Variants in PKN3 observed in about 807,000 individuals in gnomAD.
PKN3 encodes the protein serine/threonine-protein kinase N3.
A neutral mutation model predicts 113.1 loss-of-function variants in PKN3; 91 were observed. That is an observed-to-expected ratio of 0.80 (90% CI 0.68 to 0.96). PKN3 has a LOEUF of 0.96. PKN3 is among the 40% of genes least tolerant of loss of function. PKN3 has a pLI of 0.00. For missense variants in PKN3, 1,052 were observed against 1,202.2 expected (o/e 0.88, Z 1.85); for synonymous variants, 467 against 499.0 (o/e 0.94, Z 0.85).
Position 128,710,224 on chromosome 9 carries a change from G to A in PKN3, c.835+2819G>A, listed in dbSNP as rs146888846. Among the ~76,000 whole-genome samples the A allele has an allele frequency of 3.0e-3, 454 of 151,810 alleles. 2 individuals carry two copies. The highest frequency in any genetic ancestry group is 0.01 in the African/African-American group (423 of 41,416). On this transcript the variant is annotated intron_variant, in intron 6 of 21. Transcript: ENST00000291906. Reference sequence around the variant, plus strand: ...GGGACAGGTGTGAGCCACCGCGCCCGGCCAAAAAAGTTAATTTTCTTATCT... The same window carrying A: ...GGGACAGGTGTGAGCCACCGCGCCCAGCCAAAAAAGTTAATTTTCTTATCT...
At chr9:128,705,092 G>A (rs1003022264) in intron 1 of PKN3, among the ~76,000 whole-genome samples, 3 of 152,146 alleles carry the variant, frequency 2.0e-5, no homozygotes, top group East Asian at 1.9e-4. Flanking sequence ...TCTAACGGGC[G>A]GAGGACAGGA....
chr9:128,704,289 CT>C (rs1415392506), intron 1 of PKN3, among the ~76,000 whole-genome samples: 2 of 152,202 alleles, frequency 1.3e-5, no homozygotes, highest in African/African-American at 4.8e-5. Flanking sequence ...GAGCCTTCTA[CT>C]TCCTCCCGGG....
At position 128,719,757 on chromosome 9, in the gene PKN3, C is replaced by T; in HGVS notation, c.2197C>T (p.Gln733Ter). ...GTTCCTGGCTCCCGAGGTGCTGACC[C>T]AGGAGGCATACACACGGGCTGTGGA... is the stretch of plus-strand genomic sequence containing the variant. ...PEFLAPEVLT[Q>*]EAYTRAVDWW... The change falls in exon 19 of 22, where the codon CAG (glutamine) becomes TAG (stop). Residue 733 changes from glutamine to a stop codon, truncating the protein, a stop_gained. Coordinates refer to ENST00000291906, the MANE Select transcript of PKN3 (RefSeq NM_013355.5). LOFTEE classifies it high-confidence loss of function. 1 of 1,605,454 alleles carries T rather than the reference C, an allele frequency of 6.2e-7. No homozygotes were observed.
At chr9:128,703,398 A>G in intron 1 of PKN3, 4 of 985,340 alleles carry the variant, frequency 4.1e-6, no homozygotes, top group Non-Finnish European at 4.8e-6. Flanking sequence ...TCCTTCCCGG[A>G]GCACAGGAGG....
intron 6 of PKN3, among the ~76,000 whole-genome samples, chr9:128,708,226 C>CA (rs1293028989): frequency 5.3e-5 from 8 of 151,678 alleles, no homozygotes. Flanking sequence ...ACTAAAAATA[C>CA]AAAAAAGTAG....
chr9:128,702,986 CCT>C (rs1161302649), intron 1 of PKN3, 47 bp downstream of exon 1: 1 of 1,280,742 alleles, frequency 7.8e-7, no homozygotes, highest in Admixed American at 3.7e-5. Context: ...TGCGAGAAAG[CCT>C]CTGTCATCGC....
chr9:128,707,056 T>C (rs1299354303), intron 5 of PKN3, 33 bp downstream of exon 5: 1 of 1,613,554 alleles, frequency 6.2e-7, no homozygotes, highest in Admixed American at 1.7e-5. Flanking sequence ...CTCCTAAGGC[T>C]GGCTTGTTCC....
rs536350109 is a variant in PKN3, at chr9:128,720,190, T to A, written c.2377-13T>A. The A allele has an allele frequency of 3.7e-6, 6 of 1,612,562 alleles. No individual in the cohort carries two copies. Among genetic ancestry groups the A allele is most frequent in the African/African-American group, 2.7e-5 (2 of 75,036 alleles). On this transcript the variant is annotated splice_polypyrimidine_tract_variant and intron_variant, in intron 20 of 21. Transcript: ENST00000291906. The surrounding 1 kb of genome is among the most constrained non-coding windows in gnomAD (Gnocchi z 5.5). ...GCTGAATGCCCTAAGTGAGCGCCTG[T>A]CCTATTGCCCAGCTCCTCCAGAAGT... is the stretch of plus-strand genomic sequence containing the variant.
intron 1 of PKN3, chr9:128,703,778 C>A: frequency 1.0e-6 from 1 of 985,450 alleles, no homozygotes; most frequent in Non-Finnish European, 1.2e-6. Context: ...AGGCCGCCTT[C>A]AGGGCTGGGG....
intron 8 of PKN3, 23 bp downstream of exon 8, chr9:128,713,410 C>A: frequency 6.2e-7 from 1 of 1,612,748 alleles, no homozygotes; most frequent in Non-Finnish European, 8.5e-7. Context: ...TTTGTGTGGT[C>A]AGGGGTGACC....
intron 6 of PKN3, among the ~76,000 whole-genome samples, chr9:128,709,521 G>A (rs1862118625): frequency 6.6e-6 from 1 of 151,750 alleles, no homozygotes; most frequent in South Asian, 2.1e-4. Flanking sequence ...GGAGGCCGAG[G>A]TGGGTGGATC....
In PKN3 at chr9:128,707,323, CAG is replaced by C; in HGVS notation, c.756_757del (p.Arg252SerfsTer37). On this transcript the variant is annotated frameshift_variant, in exon 6 of 22. Transcript: ENST00000291906. LOFTEE classifies it high-confidence loss of function. ...QLPPAHPLRS[R>X]VTRELRAAVP... ...TGCCTCCTGCCCACCCTTTGCGCAGCAGAGTGACCCGAGAGTTGCGGGCTGCG... is the reference window on the plus strand; with the variant it reads ...TGCCTCCTGCCCACCCTTTGCGCAGCAGTGACCCGAGAGTTGCGGGCTGCG... 2 of 1,614,006 alleles carry C rather than the reference CAG, an allele frequency of 1.2e-6. No homozygotes were observed. Among genetic ancestry groups the C allele is most frequent in the Non-Finnish European group, 1.7e-6 (2 of 1,179,988 alleles).
chr9:128,702,809 G>C lies in PKN3; in HGVS notation c.-107G>C. On this transcript the variant is annotated 5_prime_UTR_variant, in exon 1 of 22. Transcript: ENST00000291906. ...AGGGGGCGCCCGATCCCGCGTCTCC[G>C]GCGCCGCTTCCCGGGAAGTTTCAAG... is the stretch of plus-strand genomic sequence containing the variant. 1.2e-6 allele frequency: 1 copy of C among 846,608 alleles called. No individual in the cohort carries two copies. The highest frequency in any genetic ancestry group is 1.8e-6 in the Non-Finnish European group (1 of 547,270). The allele number at this position is 846,608 out of a possible 1,614,324, so 52.4% of individuals were successfully genotyped here.
chr9:128,720,716 C>A lies in PKN3; in HGVS notation c.*110C>A. The A allele has an allele frequency of 1.0e-6, 1 of 957,854 alleles. No individual in the cohort carries two copies. Among genetic ancestry groups the A allele is most frequent in the Non-Finnish European group, 1.6e-6 (1 of 643,164 alleles). 59.3% of individuals were successfully genotyped at this position (957,854 alleles called of 1,614,324 possible). The stretch of plus-strand genomic sequence containing the variant: ...CAGGCCTTGCTGGGTACTTCTGAGC[C>A]CTTGGGATTCAAAGTGGCAGCCATG... On this transcript the variant is annotated 3_prime_UTR_variant, in exon 22 of 22. Coordinates refer to ENST00000291906, the MANE Select transcript of PKN3 (RefSeq NM_013355.5). This position sits in a 1 kb window ranked among gnomAD's most constrained non-coding sequence, Gnocchi z 5.5.
At position 128,719,967 on chromosome 9, in the gene PKN3, G is replaced by A. The variant is rs777045732; in HGVS notation, c.2326G>A (p.Ala776Thr). The A allele has an allele frequency of 6.8e-6, 11 of 1,614,036 alleles. No individual in the cohort carries two copies. Among genetic ancestry groups the A allele is most frequent in the South Asian group, 5.5e-5 (5 of 91,088 alleles). ...GTTTGACTGCATCGTCAACATGGAC[G>A]CCCCCTACCCCGGCTTTCTGTCGGT... is the stretch of plus-strand genomic sequence containing the variant. ...EVFDCIVNMD[A>T]PYPGFLSVQG... is the part of the protein sequence containing the mutation. Residue 776 changes from alanine to threonine, a missense_variant, in exon 20 of 22, where the codon GCC becomes ACC. Physicochemically the swap from Ala to Thr is moderately conservative, Grantham distance 58 (BLOSUM62 0). Around this residue, in one of 2 missense-constraint regions of PKN3, gnomAD observed 333 missense variants for 442.8 expected, o/e 0.75. Transcript: ENST00000291906.
intron 1 of PKN3, chr9:128,703,359 A>C (rs1373769825): frequency 2.0e-6 from 2 of 984,998 alleles, no homozygotes; most frequent in Non-Finnish European, 2.4e-6. Flanking sequence ...CGGGGGGCGC[A>C]GTCTGTGCGC....
In PKN3 at chr9:128,702,724, G is replaced by GGGCGCTGGATCGGCGCGGACGGGAGGC. The variant is rs1861889990; in HGVS notation, c.-183_-157dup. 1 of 502,036 alleles carries GGGCGCTGGATCGGCGCGGACGGGAGGC rather than the reference G, an allele frequency of 2.0e-6. No individual in the cohort carries two copies. Among genetic ancestry groups the GGGCGCTGGATCGGCGCGGACGGGAGGC allele is most frequent in the South Asian group, 2.8e-5 (1 of 35,294 alleles). 31.1% of individuals were successfully genotyped at this position (502,036 alleles called of 1,614,324 possible). A position where few individuals can be genotyped will look rare whatever the true frequency, so the allele number is the denominator to read the frequency against. ...CGCGGGACCTCGGGCGTGGGGTCCC[G>GGGCGCTGGATCGGCGCGGACGGGAGGC]GGCGCTGGATCGGCGCGGACGGGAG... On this transcript the variant is annotated 5_prime_UTR_variant, in exon 1 of 22. Transcript: ENST00000291906.
intron 8 of PKN3, 54 bp from the exon 9 acceptor site, chr9:128,713,445 C>T (rs1231685430): frequency 1.9e-6 from 3 of 1,612,620 alleles, no homozygotes; most frequent in Non-Finnish European, 2.5e-6. Context: ...GGAAGGCTGC[C>T]CAGGTCGGGG....
intron 16 of PKN3, 144 bp downstream of exon 16, chr9:128,717,067 A>G (rs1862360619): frequency 4.1e-6 from 2 of 490,148 alleles, no homozygotes; most frequent in African/African-American, 4.2e-5. Flanking sequence ...GCACCAACTG[A>G]CAGCATTTGT....
Sources: gnomAD v4.1 joint callset for allele counts (sites outside exome capture counted in the v4.1 genomes callset) on GRCh38, gnomAD v4.1.1 for gene constraint, gnomAD v4.1.1 regional missense constraint, Gnocchi (gnomAD v3.1) non-coding constraint, MANE v1.5 for transcripts, NCBI Gene and HGNC (gene_info 2026-07-23, HGNC 2026-07-21) for gene names.